PDZD2: variants seen among roughly 807,000 people sequenced by gnomAD.
PDZD2 encodes PDZ domain-containing protein 2.
A neutral mutation model predicts 220.7 loss-of-function variants in PDZD2; 90 were observed. The ratio of observed to expected loss-of-function variants is 0.41; its 90% CI spans 0.34 to 0.49. PDZD2 has a LOEUF of 0.49. Among genes scored for constraint, PDZD2 ranks in the 20% least tolerant of loss-of-function variants. The probability of loss-of-function intolerance (pLI) is 0.28; values close to 1 mark genes in which losing one functional copy is unlikely to be tolerated. For synonymous variants in PDZD2, 1,375 were observed against 1,450.5 expected, an observed-to-expected ratio of 0.95 and a Z score of 1.18; for missense variants, 3,174 against 3,608.5, an observed-to-expected ratio of 0.88 and a Z score of 3.08.
intron 1 of PDZD2, among the ~76,000 whole-genome samples, chr5:31,718,694 A>AT (rs34261021): frequency 0.022 from 1,606 of 74,624 alleles, 19 homozygotes; most frequent in African/African-American, 0.026. Context: ...TAACAGCCTC[A>AT]TTTTTTTTTT....
chr5:31,839,709 T>C (rs1440002377), intron 2 of PDZD2, among the ~76,000 whole-genome samples: 1 of 152,098 alleles, frequency 6.6e-6, no homozygotes, highest in Non-Finnish European at 1.5e-5. Context: ...CCCACCCAAA[T>C]CTCATCTTGA....
chr5:31,791,953 CAG>C (rs1019819353), intron 1 of PDZD2, among the ~76,000 whole-genome samples: 50 of 152,178 alleles, frequency 3.3e-4, no homozygotes, highest in African/African-American at 1.2e-3. Flanking sequence ...CTTAACGACA[CAG>C]GGGTTTATTT....
At chr5:31,655,549 A>G (rs1006043887) in intron 1 of PDZD2, among the ~76,000 whole-genome samples, 1 of 64,534 alleles carries the variant, frequency 1.5e-5, no homozygotes, top group South Asian at 6.7e-4. Context: ...TGTAAAATCT[A>G]TGAGGGTATT....
chr5:31,892,761 G>GT (rs986434353), intron 2 of PDZD2, among the ~76,000 whole-genome samples: 4 of 138,200 alleles, frequency 2.9e-5, no homozygotes, highest in African/African-American at 1.0e-4. Context: ...TGGGCGGGGG[G>GT]GGTCTCACTA....
chr5:32,109,379 C>G lies in PDZD2; in HGVS notation c.*1244C>G, dbSNP rs565517494. 6.6e-6 allele frequency: 1 copy of G among 152,200 alleles called. No individual in the cohort carries two copies. Among genetic ancestry groups the G allele is most frequent in the Non-Finnish European group, 1.5e-5 (1 of 68,028 alleles). The allele number at this position is 152,200 out of a possible 1,614,324, so 9.4% of individuals were successfully genotyped here. ...AAAATGTTTTCCTACAGAAGACTGTCGTGACTCACGCTACTTGGGAAACTC... is the reference window on the plus strand; with the variant it reads ...AAAATGTTTTCCTACAGAAGACTGTGGTGACTCACGCTACTTGGGAAACTC... On this transcript the variant is annotated 3_prime_UTR_variant, in exon 25 of 25. Transcript: ENST00000438447.
Position 32,109,357 on chromosome 5 carries a change from A to C in PDZD2, c.*1222A>C, listed in dbSNP as rs1462549240. On this transcript the variant is annotated 3_prime_UTR_variant, in exon 25 of 25. Coordinates refer to ENST00000438447, the MANE Select transcript of PDZD2 (RefSeq NM_178140.4). ...TTGCAATTTCCTCCTTTTGCCAAAA[A>C]TGTTTTCCTACAGAAGACTGTCGTG... 3.3e-5 allele frequency: 5 copies of C among 152,194 alleles called. No individual in the cohort carries two copies. The highest frequency in any genetic ancestry group is 7.3e-5 in the Non-Finnish European group (5 of 68,046). 9.4% of individuals were successfully genotyped at this position (152,194 alleles called of 1,614,324 possible).
At chr5:31,661,588 T>C (rs1745764239) in intron 1 of PDZD2, 2 of 152,196 alleles carry the variant, frequency 1.3e-5, no homozygotes, top group South Asian at 4.1e-4. Context: ...AAGGAGAACT[T>C]ATCCTCTCTT....
intron 2 of PDZD2, among the ~76,000 whole-genome samples, chr5:31,898,112 T>TA (rs2150355233): frequency 6.6e-6 from 1 of 152,348 alleles, no homozygotes; most frequent in South Asian, 2.1e-4. Flanking sequence ...TGGAGCCAAC[T>TA]ATATTACAGG....
chr5:31,996,128 T>C (rs1250929026), intron 4 of PDZD2, among the ~76,000 whole-genome samples: 1 of 152,192 alleles, frequency 6.6e-6, no homozygotes, highest in African/African-American at 2.4e-5. Context: ...TGGTTTTCAG[T>C]CCGACCACAG....
chr5:31,788,805 A>C (rs1341372319), intron 1 of PDZD2, among the ~76,000 whole-genome samples: 2 of 152,246 alleles, frequency 1.3e-5, no homozygotes, highest in Non-Finnish European at 2.9e-5. Flanking sequence ...GGGACTGCAC[A>C]ACTATGCTAA....
At chr5:32,069,335 A>G (rs748992552) in intron 14 of PDZD2, among the ~76,000 whole-genome samples, 3 of 151,702 alleles carry the variant, frequency 2.0e-5, no homozygotes, top group Non-Finnish European at 4.4e-5. Context: ...GTTGGTAATC[A>G]TAGCACTGAA....
Position 31,768,006 on chromosome 5 carries a change from C to G in PDZD2, c.-360-30883C>G, listed in dbSNP as rs551489393. On this transcript the variant is annotated intron_variant, in intron 1 of 24. Coordinates refer to ENST00000438447, the MANE Select transcript of PDZD2 (RefSeq NM_178140.4). ...TGTCTTTTTTACCAGCCAGGCTTTC[C>G]ACCTGTGAGGTCAGCTCTTCCTTCC... 9.8e-5 allele frequency among the ~76,000 whole-genome samples: 15 copies of G among 152,332 alleles called. No individual in the cohort carries two copies. The South Asian group carries it at 2.7e-3, about 27-fold the overall frequency.
chr5:31,857,357 G>A (rs1758550851), intron 2 of PDZD2, among the ~76,000 whole-genome samples: 1 of 152,134 alleles, frequency 6.6e-6, no homozygotes, highest in Admixed American at 6.6e-5. Context: ...GATTTCTCAT[G>A]TAGCATCCCG....
chr5:32,106,491 C>T (rs1744773613), intron 24 of PDZD2: 1 of 152,270 alleles, frequency 6.6e-6, no homozygotes, highest in African/African-American at 2.4e-5. Flanking sequence ...CTCATTCAGT[C>T]CTTCTAACAA....
At chr5:31,740,683 T>C (rs960744707) in intron 1 of PDZD2, among the ~76,000 whole-genome samples, 7 of 152,294 alleles carry the variant, frequency 4.6e-5, no homozygotes, top group Admixed American at 1.3e-4. Context: ...TCTATGATCT[T>C]GGCTATTGTT....
intron 1 of PDZD2, among the ~76,000 whole-genome samples, chr5:31,769,426 TC>T (rs1277546921): frequency 6.6e-6 from 1 of 152,208 alleles, no homozygotes. Flanking sequence ...AGCAAATGTT[TC>T]CCGATTACGA....
intron 6 of PDZD2, among the ~76,000 whole-genome samples, chr5:32,034,368 T>C (rs1465231519): frequency 6.6e-6 from 1 of 150,968 alleles, no homozygotes; most frequent in Admixed American, 6.6e-5. Context: ...TTTTTTTTTT[T>C]TTTTTTTTGA....
chr5:32,024,441 G>A (rs572006030), intron 6 of PDZD2, among the ~76,000 whole-genome samples: 9 of 152,212 alleles, frequency 5.9e-5, no homozygotes, highest in African/African-American at 1.7e-4. Context: ...CCAGTACTTC[G>A]GGAGGCCAAG....
intron 2 of PDZD2, among the ~76,000 whole-genome samples, chr5:31,913,481 G>T (rs145743556): frequency 6.6e-6 from 1 of 152,064 alleles, no homozygotes; most frequent in African/African-American, 2.4e-5. Context: ...TGAAAAATAC[G>T]AAGGCTAAGA....
Sources: gnomAD v4.1 joint callset for allele counts (sites outside exome capture counted in the v4.1 genomes callset) on GRCh38, gnomAD v4.1.1 for gene constraint, MANE v1.5 for transcripts, NCBI Gene and HGNC (gene_info 2026-07-23, HGNC 2026-07-21) for gene names.